TNIK: variants seen among roughly 807,000 people sequenced by gnomAD.
TNIK encodes the protein TRAF2 and NCK-interacting protein kinase.
TNIK carries 49 observed loss-of-function variants against 191.3 expected under a neutral mutation model. That is an observed-to-expected ratio of 0.26 (90% CI 0.20 to 0.32). The LOEUF (loss-of-function observed/expected upper bound fraction) is 0.32, where lower values mean the gene tolerates loss of function less well. Ranked by LOEUF, TNIK falls within the 10% of genes least tolerant of loss-of-function variation. The pLI is 1.00. For synonymous variants in TNIK, 594 were observed against 600.9 expected (o/e 0.99, Z 0.17); for missense variants, 1,155 against 1,702.3 (o/e 0.68, Z 5.66).
intron 1 of TNIK, among the ~76,000 whole-genome samples, chr3:171,413,663 C>G (rs1722683194): frequency 6.6e-6 from 1 of 152,190 alleles, no homozygotes; most frequent in South Asian, 2.1e-4. Context: ...GCAGACTTTT[C>G]AGTTTCATTT....
chr3:171,453,899 T>C lies in TNIK; in HGVS notation c.57+6108A>G, dbSNP rs576838178. Among the ~76,000 whole-genome samples, 128 of 152,266 alleles carry C rather than the reference T, an allele frequency of 8.4e-4. 1 individual carries two copies. The highest frequency in any genetic ancestry group is 3.0e-3 in the African/African-American group (125 of 41,540). On this transcript the variant is annotated intron_variant, in intron 1 of 32. Coordinates refer to ENST00000436636, the MANE Select transcript of TNIK (RefSeq NM_015028.4). ...AGAATCATGTTTCTCTAAAGGGAAA[T>C]AAGCTTCCAACCAGACTGGAAGGAA...
intron 28 of TNIK, among the ~76,000 whole-genome samples, chr3:171,072,173 C>G (rs765553649): frequency 6.6e-6 from 1 of 152,144 alleles, no homozygotes; most frequent in Non-Finnish European, 1.5e-5. Flanking sequence ...AGTGTGGATT[C>G]TAATTCTTAG....
intron 1 of TNIK, among the ~76,000 whole-genome samples, chr3:171,458,247 GA>G (rs771505645): frequency 6.7e-5 from 10 of 150,092 alleles, no homozygotes; most frequent in Admixed American, 4.7e-4. Context: ...TCCCAGCGTA[GA>G]AAGTAGGGCA....
intron 2 of TNIK, among the ~76,000 whole-genome samples, chr3:171,322,399 CCT>C (rs1755256733): frequency 1.3e-5 from 2 of 151,952 alleles, no homozygotes; most frequent in African/African-American, 4.8e-5. Context: ...CAATATCTCC[CCT>C]GCTTCAAAAA....
At chr3:171,438,265 A>G (rs1726271707) in intron 1 of TNIK, among the ~76,000 whole-genome samples, 1 of 146,038 alleles carries the variant, frequency 6.8e-6, no homozygotes, top group Non-Finnish European at 1.6e-5. Context: ...CTAACAATGC[A>G]AGCATTAAGA....
intron 15 of TNIK, among the ~76,000 whole-genome samples, chr3:171,131,978 C>T (rs1007782338): frequency 8.5e-5 from 13 of 152,176 alleles, no homozygotes; most frequent in African/African-American, 3.1e-4. Context: ...GAAAGTCTCC[C>T]TCCAAAACCT....
intron 2 of TNIK, among the ~76,000 whole-genome samples, chr3:171,288,937 T>C (rs1003299374): frequency 2.6e-5 from 4 of 152,156 alleles, no homozygotes; most frequent in Non-Finnish European, 5.9e-5. Flanking sequence ...AAAAAACATT[T>C]AAAAAATTAA....
intron 2 of TNIK, among the ~76,000 whole-genome samples, chr3:171,344,378 TC>T (rs1711816546): frequency 6.6e-6 from 1 of 152,158 alleles, no homozygotes; most frequent in South Asian, 2.1e-4. Context: ...AAGTCTTGCT[TC>T]TTTGTAGGGG....
At chr3:171,191,332 C>G (rs564571342) in intron 5 of TNIK, among the ~76,000 whole-genome samples, 1 of 152,210 alleles carries the variant, frequency 6.6e-6, no homozygotes, top group Non-Finnish European at 1.5e-5. Flanking sequence ...ACTGCAACCT[C>G]TGTGTCTTGG....
intron 7 of TNIK, among the ~76,000 whole-genome samples, chr3:171,185,230 G>A (rs1328180255): frequency 6.8e-6 from 1 of 147,366 alleles, no homozygotes; most frequent in Admixed American, 6.8e-5. Context: ...TGGGGTGGGA[G>A]GGGTGAATAA....
intron 5 of TNIK, among the ~76,000 whole-genome samples, chr3:171,192,319 G>A (rs887878055): frequency 1.3e-5 from 2 of 152,188 alleles, no homozygotes; most frequent in African/African-American, 2.4e-5. Flanking sequence ...CACTACTGAA[G>A]TGGTTGAAAG....
At chr3:171,293,574 C>T (rs550089676) in intron 2 of TNIK, among the ~76,000 whole-genome samples, 10 of 152,260 alleles carry the variant, frequency 6.6e-5, no homozygotes, top group Non-Finnish European at 1.5e-4. Context: ...CTAATAGTGG[C>T]TAGTTTCCCC....
intron 2 of TNIK, among the ~76,000 whole-genome samples, chr3:171,361,455 T>C (rs775083565): frequency 2.0e-5 from 3 of 152,106 alleles, no homozygotes; most frequent in Non-Finnish European, 2.9e-5. Flanking sequence ...ATGACAACCA[T>C]CTAATTCATT....
intron 2 of TNIK, among the ~76,000 whole-genome samples, chr3:171,271,020 G>T (rs141985826): frequency 6.6e-6 from 1 of 152,166 alleles, no homozygotes; most frequent in Non-Finnish European, 1.5e-5. Context: ...CTGAATTCAG[G>T]GATATTTCTC....
chr3:171,278,658 T>TA (rs1020725581), intron 2 of TNIK, among the ~76,000 whole-genome samples: 20 of 152,174 alleles, frequency 1.3e-4, no homozygotes, highest in African/African-American at 4.8e-4. Context: ...AGGAAACCAT[T>TA]AAAAAACAGG....
chr3:171,189,051 A>C (rs551598422), intron 6 of TNIK, among the ~76,000 whole-genome samples: 1 of 152,276 alleles, frequency 6.6e-6, no homozygotes, highest in Non-Finnish European at 1.5e-5. Flanking sequence ...CCCCAGCTGA[A>C]ACTTTGTACC....
chr3:171,120,416 A>G (rs6806510), intron 18 of TNIK, among the ~76,000 whole-genome samples: 15,808 of 147,626 alleles, frequency 0.11, 2,410 homozygotes, highest in African/African-American at 0.34. Flanking sequence ...CGCTTCCCGG[A>G]TTCGCGCCAT....
At chr3:171,084,385 G>T in intron 25 of TNIK, 60 bp from the exon 26 acceptor site, 1 of 1,543,182 alleles carries the variant, frequency 6.5e-7, no homozygotes, top group Non-Finnish European at 8.8e-7. Flanking sequence ...ATGGAGATGG[G>T]GCTTCAAAAC....
At chr3:171,422,588 A>G (rs1007705705) in intron 1 of TNIK, among the ~76,000 whole-genome samples, 1 of 152,202 alleles carries the variant, frequency 6.6e-6, no homozygotes, top group African/African-American at 2.4e-5. Context: ...GAAAAAATAA[A>G]CTTACTTTTG....
Sources: allele counts gnomAD v4.1 joint callset (sites outside exome capture counted in the v4.1 genomes callset), GRCh38; gene constraint gnomAD v4.1.1; transcripts MANE v1.5; gene names NCBI Gene and HGNC (gene_info 2026-07-23, HGNC 2026-07-21).